The following EVI5 variants were observed in gnomAD, a reference collection of about 807,000 sequenced individuals.
EVI5 encodes the protein ecotropic viral integration site 5 protein homolog.
EVI5 carries 73 observed loss-of-function variants against 112.0 expected under a neutral mutation model. That is an observed-to-expected ratio of 0.65 (90% CI 0.54 to 0.79). The LOEUF (loss-of-function observed/expected upper bound fraction) is 0.79, where lower values mean the gene tolerates loss of function less well. Ranked by LOEUF, EVI5 falls within the 30% of genes least tolerant of loss-of-function variation. The pLI, the probability that EVI5 is intolerant of heterozygous loss-of-function variation, is 0.00. For synonymous variants in EVI5, 305 were observed against 319.9 expected (o/e 0.95, Z 0.50); for missense variants, 900 against 968.8 (o/e 0.93, Z 0.94).
intron 2 of EVI5, among the ~76,000 whole-genome samples, chr1:92,729,225 T>G (rs1211940563): frequency 6.6e-6 from 1 of 152,198 alleles, no homozygotes; most frequent in Non-Finnish European, 1.5e-5. Flanking sequence ...ATGGTCACAA[T>G]GTATGATAAA....
intron 14 of EVI5, among the ~76,000 whole-genome samples, chr1:92,629,396 G>A (rs1256209632): frequency 6.6e-6 from 1 of 152,160 alleles, no homozygotes; most frequent in Non-Finnish European, 1.5e-5. Context: ...AAACGACACA[G>A]AGCCCAGGCC....
chr1:92,637,035 C>T (rs953297086), intron 13 of EVI5, among the ~76,000 whole-genome samples: 1 of 152,008 alleles, frequency 6.6e-6, no homozygotes, highest in Non-Finnish European at 1.5e-5. Context: ...AGGGTACCTA[C>T]AATAATGTGA....
intron 1 of EVI5, among the ~76,000 whole-genome samples, chr1:92,749,924 C>T (rs2102915509): frequency 6.6e-6 from 1 of 152,216 alleles, no homozygotes; most frequent in African/African-American, 2.4e-5. Context: ...ATCAAGCCAC[C>T]AAAGTTGACA....
At chr1:92,685,940 T>C (rs1382302486) in intron 9 of EVI5, among the ~76,000 whole-genome samples, 1 of 152,158 alleles carries the variant, frequency 6.6e-6, no homozygotes, top group Non-Finnish European at 1.5e-5. Context: ...CAGGACCTGA[T>C]GGATTCACAG....
chr1:92,760,274 A>G (rs1681609824), intron 1 of EVI5, among the ~76,000 whole-genome samples: 1 of 152,218 alleles, frequency 6.6e-6, no homozygotes, highest in Non-Finnish European at 1.5e-5. Context: ...TCAGGAGATC[A>G]TTACTGAGGT....
chr1:92,639,274 A>G (rs139770937), intron 13 of EVI5, among the ~76,000 whole-genome samples: 5 of 152,308 alleles, frequency 3.3e-5, no homozygotes, highest in Admixed American at 3.3e-4. Context: ...AAGGTAAGTT[A>G]GAAAGTCCTC....
intron 13 of EVI5, among the ~76,000 whole-genome samples, chr1:92,652,099 T>C (rs1402063191): frequency 6.6e-6 from 1 of 152,152 alleles, no homozygotes; most frequent in Non-Finnish European, 1.5e-5. Flanking sequence ...ATAACCCAAA[T>C]GTCCATCAAC....
At chr1:92,756,929 C>A in intron 1 of EVI5, 1 of 339,830 alleles carries the variant, frequency 2.9e-6, no homozygotes, top group Non-Finnish European at 5.9e-6. Flanking sequence ...TGAACATTAC[C>A]CTTGTATTAC....
Position 92,776,877 on chromosome 1 carries a change from A to G in EVI5, c.-82+7959T>C, listed in dbSNP as rs1570924073. Among the ~76,000 whole-genome samples the G allele has an allele frequency of 4.0e-5, 6 of 148,938 alleles. 1 individual carries two copies. In the Admixed American group the frequency reaches 4.1e-4, roughly 10 times the overall value. ...GAGTGCAGTGGCAAGATCTCAGCTC[A>G]CTGCAAGCTCCGCCTCCCGGGTTCA... is the stretch of plus-strand genomic sequence containing the variant. On this transcript the variant is annotated intron_variant, in intron 1 of 19. Transcript: ENST00000684568.
intron 7 of EVI5, 108 bp downstream of exon 7, chr1:92,695,202 T>C (rs932466207): frequency 3.3e-5 from 28 of 848,336 alleles, no homozygotes; most frequent in Non-Finnish European, 5.0e-5. Context: ...GTAAGCAGTT[T>C]TGCATGGGAC....
chr1:92,764,901 T>C (rs1334178768), intron 1 of EVI5, among the ~76,000 whole-genome samples: 1 of 152,222 alleles, frequency 6.6e-6, no homozygotes, highest in Non-Finnish European at 1.5e-5. Flanking sequence ...CAAAAAATTA[T>C]GTCTTATTTA....
chr1:92,555,452 G>A (rs868386127), intron 19 of EVI5, among the ~76,000 whole-genome samples: 1 of 152,164 alleles, frequency 6.6e-6, no homozygotes, highest in Non-Finnish European at 1.5e-5. Context: ...AAGTTTTACA[G>A]TAAGAATGTT....
intron 19 of EVI5, among the ~76,000 whole-genome samples, chr1:92,531,982 A>G (rs1662941787): frequency 6.6e-6 from 1 of 152,336 alleles, no homozygotes; most frequent in Middle Eastern, 3.4e-3. Flanking sequence ...CAATTAAAAG[A>G]CACAGACTGG....
chr1:92,519,693 G>C (rs1660549023), intron 19 of EVI5, among the ~76,000 whole-genome samples: 1 of 152,036 alleles, frequency 6.6e-6, no homozygotes, highest in Non-Finnish European at 1.5e-5. Flanking sequence ...GGTACTTCGA[G>C]ACCAGCCTGG....
chr1:92,706,278 T>A lies in EVI5; in HGVS notation c.150-1534A>T, dbSNP rs547832869. Among the ~76,000 whole-genome samples the A allele has an allele frequency of 1.6e-3, 251 of 152,314 alleles. 3 individuals carry two copies. Among genetic ancestry groups the A allele is most frequent in the South Asian group, 1.0e-3 (5 of 4,824 alleles). ...AAAGAATTAATGATGATGTTTTACT[T>A]TAAATACTGTTTTAAAATACATATT... is the stretch of plus-strand genomic sequence containing the variant. On this transcript the variant is annotated intron_variant, in intron 2 of 19. Transcript: ENST00000684568.
intron 14 of EVI5, 90 bp from the exon 15 acceptor site, chr1:92,626,024 GTA>G: frequency 1.3e-6 from 1 of 749,468 alleles, no homozygotes; most frequent in Non-Finnish European, 2.2e-6. Flanking sequence ...ACACTTAAAT[GTA>G]TTTAATTTTA....
chr1:92,640,077 C>T lies in EVI5; in HGVS notation c.1393-3741G>A, dbSNP rs539136105. ...CTAGCCATATGCAGCAAACTGAAAC[C>T]GGATCCCTTCCTCACATGTTATACA... On this transcript the variant is annotated intron_variant, in intron 13 of 19. Coordinates refer to ENST00000684568, the MANE Select transcript of EVI5 (RefSeq NM_001350197.2). Among the ~76,000 whole-genome samples the T allele has an allele frequency of 4.6e-5, 7 of 152,202 alleles. No homozygotes were observed. In the South Asian group the frequency reaches 1.0e-3, roughly 23 times the overall value.
chr1:92,514,097 T>A (rs1285687605), intron 19 of EVI5, 127 bp from the exon 20 acceptor site: 3 of 552,558 alleles, frequency 5.4e-6, no homozygotes, highest in Non-Finnish European at 9.4e-6. Flanking sequence ...TAATCATAGT[T>A]ACTAATTTTT....
intron 16 of EVI5, among the ~76,000 whole-genome samples, chr1:92,617,069 G>C (rs1246620844): frequency 2.0e-5 from 3 of 152,234 alleles, no homozygotes. Context: ...AGCTGACAGA[G>C]GAAGAGAAGA....
Sources: gnomAD v4.1 joint callset for allele counts (sites outside exome capture counted in the v4.1 genomes callset) on GRCh38, gnomAD v4.1.1 for gene constraint, MANE v1.5 for transcripts, NCBI Gene and HGNC (gene_info 2026-07-23, HGNC 2026-07-21) for gene names.